The following CTNND2 variants were observed in gnomAD, a reference collection of about 807,000 sequenced individuals.
CTNND2 encodes catenin delta-2.
In CTNND2, 22 loss-of-function variants were observed where a neutral mutation model predicts 144.4. The observed-to-expected ratio is 0.15, with a 90% confidence interval of 0.11 to 0.22. The LOEUF (loss-of-function observed/expected upper bound fraction) is 0.22, where lower values mean the gene tolerates loss of function less well. Ranked by LOEUF, CTNND2 falls within the 10% of genes least tolerant of loss-of-function variation. The pLI, the probability that CTNND2 is intolerant of heterozygous loss-of-function variation, is 1.00. For missense variants in CTNND2, 1,353 were observed against 1,618.8 expected (o/e 0.84, Z 2.82); for synonymous variants, 751 against 695.6 (o/e 1.08, Z -1.25).
intron 1 of CTNND2, among the ~76,000 whole-genome samples, chr5:11,853,870 G>T (rs1031979871): frequency 6.6e-6 from 1 of 152,074 alleles, no homozygotes; most frequent in Non-Finnish European, 1.5e-5. Context: ...CGTCTGAGCC[G>T]CCATCATGAG....
At chr5:11,368,903 C>T (rs935098088) in intron 7 of CTNND2, among the ~76,000 whole-genome samples, 1 of 152,136 alleles carries the variant, frequency 6.6e-6, no homozygotes, top group Non-Finnish European at 1.5e-5. Flanking sequence ...TGTGAAAGTG[C>T]TCTGCAATTG....
At chr5:11,274,085 C>T (rs536147973) in intron 9 of CTNND2, among the ~76,000 whole-genome samples, 10 of 152,248 alleles carry the variant, frequency 6.6e-5, no homozygotes, top group South Asian at 2.1e-4. Context: ...CTTCAGAACA[C>T]GCTGAACTGA....
chr5:11,512,776 AAC>A (rs1309306698), intron 3 of CTNND2, among the ~76,000 whole-genome samples: 2 of 152,182 alleles, frequency 1.3e-5, no homozygotes, highest in Non-Finnish European at 2.9e-5. Context: ...TTCTTCTGGC[AAC>A]ATCTTCGATG....
chr5:10,978,785 C>T (rs1035990429), intron 21 of CTNND2, among the ~76,000 whole-genome samples: 1 of 152,238 alleles, frequency 6.6e-6, no homozygotes, highest in African/African-American at 2.4e-5. Context: ...TTCTGGAGAC[C>T]TCTGGGAGAA....
chr5:11,238,447 A>G (rs1380972738), intron 9 of CTNND2, among the ~76,000 whole-genome samples: 1 of 152,228 alleles, frequency 6.6e-6, no homozygotes, highest in Non-Finnish European at 1.5e-5. Flanking sequence ...GAGAAGGAAC[A>G]GACAAAGGTT....
intron 1 of CTNND2, among the ~76,000 whole-genome samples, chr5:11,744,696 CGTGT>C (rs1175147399): frequency 3.4e-5 from 3 of 87,910 alleles, no homozygotes; most frequent in African/African-American, 9.5e-5. Flanking sequence ...TGTGTGTGTG[CGTGT>C]GTGTGTGTGT....
chr5:11,096,803 CAG>C (rs375930798), intron 15 of CTNND2, among the ~76,000 whole-genome samples: 152 of 148,174 alleles, frequency 1.0e-3, no homozygotes, highest in Admixed American at 1.0e-3. Flanking sequence ...GAGAGAGAGA[CAG>C]AGAGAGAGAG....
intron 1 of CTNND2, among the ~76,000 whole-genome samples, chr5:11,791,671 T>C (rs1444142860): frequency 6.6e-6 from 1 of 152,222 alleles, no homozygotes; most frequent in Admixed American, 6.5e-5. Context: ...TAATCTCCAA[T>C]GTAATTTTGC....
At chr5:11,176,835 T>C (rs1760525240) in intron 11 of CTNND2, among the ~76,000 whole-genome samples, 1 of 152,148 alleles carries the variant, frequency 6.6e-6, no homozygotes, top group Non-Finnish European at 1.5e-5. Context: ...ATGTCATTGC[T>C]CTCAGATTAA....
chr5:11,724,997 T>C (rs1183885504), intron 2 of CTNND2, among the ~76,000 whole-genome samples: 1 of 151,912 alleles, frequency 6.6e-6, no homozygotes, highest in Non-Finnish European at 1.5e-5. Context: ...AGGCTATGAG[T>C]AGAATATGAA....
intron 1 of CTNND2, among the ~76,000 whole-genome samples, chr5:11,829,506 G>A (rs1431881216): frequency 6.6e-6 from 1 of 152,182 alleles, no homozygotes; most frequent in Non-Finnish European, 1.5e-5. Context: ...TCAGGCCATG[G>A]CTTCACAGTG....
chr5:11,526,997 C>A (rs966873676), intron 3 of CTNND2, among the ~76,000 whole-genome samples: 9 of 152,100 alleles, frequency 5.9e-5, no homozygotes, highest in African/African-American at 2.2e-4. Context: ...AGGACAAATA[C>A]TGTATGAATC....
chr5:11,639,195 C>G (rs1285859189), intron 2 of CTNND2, among the ~76,000 whole-genome samples: 1 of 152,092 alleles, frequency 6.6e-6, no homozygotes, highest in Non-Finnish European at 1.5e-5. Context: ...TGCTAAATAT[C>G]CTACAACGTG....
Position 10,989,694 on chromosome 5 carries a change from A to G in CTNND2, c.3212-1452T>C, listed in dbSNP as rs61751694. ...TTTGTCACCCTTATATCTTCTATGT[A>G]CAAATTCCTGTGCTAGCCACTGTGC... is the stretch of plus-strand genomic sequence containing the variant. On this transcript the variant is annotated intron_variant, in intron 19 of 21. Transcript: ENST00000304623. 2.4e-3 allele frequency among the ~76,000 whole-genome samples: 358 copies of G among 152,250 alleles called. 1 individual carries two copies. Among genetic ancestry groups the G allele is most frequent in the African/African-American group, 8.1e-3 (337 of 41,518 alleles).
intron 16 of CTNND2, among the ~76,000 whole-genome samples, chr5:11,031,044 C>A (rs1262757705): frequency 6.6e-6 from 1 of 152,096 alleles, no homozygotes; most frequent in South Asian, 2.1e-4. Context: ...TACTGGCTCT[C>A]TTATTTCTCT....
intron 3 of CTNND2, among the ~76,000 whole-genome samples, chr5:11,457,019 T>C (rs1323634750): frequency 1.3e-5 from 2 of 152,242 alleles, no homozygotes; most frequent in Non-Finnish European, 2.9e-5. Flanking sequence ...AAACTTGTAA[T>C]AGCCACTTAA....
chr5:11,039,979 T>C (rs1222600981), intron 16 of CTNND2, among the ~76,000 whole-genome samples: 1 of 152,126 alleles, frequency 6.6e-6, no homozygotes, highest in African/African-American at 2.4e-5. Flanking sequence ...GAAGAATCAG[T>C]TGGACCTGGG....
chr5:11,828,050 C>A (rs780054604), intron 1 of CTNND2, among the ~76,000 whole-genome samples: 3 of 152,138 alleles, frequency 2.0e-5, no homozygotes, highest in African/African-American at 7.2e-5. Flanking sequence ...TACCAAGAGC[C>A]CAGACCAGCA....
intron 2 of CTNND2, among the ~76,000 whole-genome samples, chr5:11,587,808 A>G (rs1179997933): frequency 1.3e-5 from 2 of 152,272 alleles, no homozygotes; most frequent in African/African-American, 4.8e-5. Flanking sequence ...TACAAGGTAC[A>G]GCCAACTTAA....
Sources: allele counts gnomAD v4.1 joint callset (sites outside exome capture counted in the v4.1 genomes callset), GRCh38; gene constraint gnomAD v4.1.1; transcripts MANE v1.5; gene names NCBI Gene and HGNC (gene_info 2026-07-23, HGNC 2026-07-21).